Variants in ZNF536 observed in about 807,000 individuals in gnomAD.
ZNF536 encodes zinc finger protein 536.
A neutral mutation model predicts 84.5 loss-of-function variants in ZNF536; 13 were observed. The ratio of observed to expected loss-of-function variants is 0.15; its 90% CI spans 0.10 to 0.24. The LOEUF (loss-of-function observed/expected upper bound fraction) is 0.24, where lower values mean the gene tolerates loss of function less well. Ranked by LOEUF, ZNF536 falls within the 10% of genes least tolerant of loss-of-function variation. The pLI is 1.00. For missense variants in ZNF536, 1,536 were observed against 1,747.5 expected (o/e 0.88, Z 2.16); for synonymous variants, 811 against 742.5 (o/e 1.09, Z -1.50).
intron 2 of ZNF536, among the ~76,000 whole-genome samples, chr19:30,484,390 C>CTTTTTTTTTTTT (rs375461433): frequency 1.0e-3 from 118 of 117,434 alleles, no homozygotes; most frequent in African/African-American, 4.2e-3. Context: ...TCATGCCCAG[C>CTTTTTTTTTTTT]TTTTTTTTTT....
intron 1 of ZNF536, among the ~76,000 whole-genome samples, chr19:30,595,310 TAG>T (rs1042881779): frequency 6.6e-6 from 1 of 152,088 alleles, no homozygotes; most frequent in African/African-American, 2.4e-5. Flanking sequence ...TTTTAAGAGA[TAG>T]AGTCTCTCTC....
intron 1 of ZNF536, among the ~76,000 whole-genome samples, chr19:30,573,624 G>A (rs1001270477): frequency 1.3e-5 from 2 of 152,212 alleles, no homozygotes; most frequent in Non-Finnish European, 2.9e-5. Context: ...CACGGACCAA[G>A]ACTGTCCATG....
chr19:30,594,524 T>C (rs1189089260), intron 1 of ZNF536, among the ~76,000 whole-genome samples: 2 of 152,198 alleles, frequency 1.3e-5, no homozygotes, highest in East Asian at 3.9e-4. Context: ...TTTGCATAAC[T>C]GGTAACAAAT....
At chr19:30,435,182 CTGCTGATGATGA>C (rs980081705) in intron 1 of ZNF536, among the ~76,000 whole-genome samples, 3 of 139,692 alleles carry the variant, frequency 2.1e-5, no homozygotes, top group Non-Finnish European at 4.7e-5. Flanking sequence ...GATGATGCTG[CTGCTGATGATGA>C]TGCTGATGAT....
chr19:30,465,574 A>G (rs1280004404), intron 2 of ZNF536, among the ~76,000 whole-genome samples: 1 of 151,966 alleles, frequency 6.6e-6, no homozygotes, highest in Non-Finnish European at 1.5e-5. Flanking sequence ...CTCAGTAAAC[A>G]CTTTTTTAAA....
intron 2 of ZNF536, among the ~76,000 whole-genome samples, chr19:30,470,372 T>G (rs2148511660): frequency 6.6e-6 from 1 of 152,324 alleles, no homozygotes; most frequent in South Asian, 2.1e-4. Context: ...AATGTTGATG[T>G]TATCATTAAC....
intron 2 of ZNF536, among the ~76,000 whole-genome samples, chr19:30,319,269 G>C (rs1322785818): frequency 1.3e-5 from 2 of 152,182 alleles, no homozygotes; most frequent in East Asian, 1.9e-4. Context: ...GAACATGCTG[G>C]AATGATATTC....
At chr19:30,327,923 A>G (rs2047091049) in intron 2 of ZNF536, among the ~76,000 whole-genome samples, 1 of 152,212 alleles carries the variant, frequency 6.6e-6, no homozygotes, top group Non-Finnish European at 1.5e-5. Flanking sequence ...TAGAATGAGC[A>G]GGCGGGATCA....
At chr19:30,510,331 A>G (rs1481178979) in intron 2 of ZNF536, among the ~76,000 whole-genome samples, 2 of 152,312 alleles carry the variant, frequency 1.3e-5, no homozygotes, top group African/African-American at 4.8e-5. Flanking sequence ...AGAGAGGGGT[A>G]TTAGGCATCC....
At chr19:30,569,051 G>C (rs1390744413) in intron 1 of ZNF536, among the ~76,000 whole-genome samples, 1 of 152,178 alleles carries the variant, frequency 6.6e-6, no homozygotes, top group Non-Finnish European at 1.5e-5. Flanking sequence ...AGAACTAAAT[G>C]ATGAATCCAT....
rs915437667 is a variant in ZNF536, at chr19:30,538,321, C to T, written c.2323+3322C>T. ...CATATGAGCACATTTAAAAACCCAA[C>T]GTGTAATATAAATATATTTTTAATT... On this transcript the variant is annotated intron_variant, in intron 3 of 4. Transcript: ENST00000355537. 5.9e-5 allele frequency among the ~76,000 whole-genome samples: 9 copies of T among 152,268 alleles called. No homozygotes were observed. The South Asian group carries it at 6.2e-4, about 11-fold the overall frequency.
chr19:30,238,729 A>G (rs2023726186), intron 1 of ZNF536, among the ~76,000 whole-genome samples: 1 of 152,052 alleles, frequency 6.6e-6, no homozygotes, highest in Non-Finnish European at 1.5e-5. Flanking sequence ...TAGGATCGGC[A>G]CTGTGAATGA....
At chr19:30,683,046 G>A (rs1289932928) in intron 1 of ZNF536, among the ~76,000 whole-genome samples, 2 of 152,194 alleles carry the variant, frequency 1.3e-5, no homozygotes, top group African/African-American at 4.8e-5. Flanking sequence ...CAAACAGATG[G>A]TGACCCCTGA....
At chr19:30,674,928 G>A (rs1363904731) in intron 1 of ZNF536, among the ~76,000 whole-genome samples, 5 of 152,098 alleles carry the variant, frequency 3.3e-5, no homozygotes, top group African/African-American at 1.2e-4. Context: ...TGGGCATCGG[G>A]CTGGGCTCCA....
intron 1 of ZNF536, among the ~76,000 whole-genome samples, chr19:30,253,115 C>A (rs2024708517): frequency 6.6e-6 from 1 of 152,176 alleles, no homozygotes; most frequent in East Asian, 1.9e-4. Context: ...CCCTTGGAAG[C>A]TCTCAGATTA....
chr19:30,348,490 A>T (rs965515807), intron 2 of ZNF536, among the ~76,000 whole-genome samples: 1 of 152,058 alleles, frequency 6.6e-6, no homozygotes, highest in African/African-American at 2.4e-5. Context: ...CCATGGACTG[A>T]TAATTTGTGG....
At chr19:30,387,645 C>A (rs1292331980) in intron 1 of ZNF536, among the ~76,000 whole-genome samples, 1 of 152,216 alleles carries the variant, frequency 6.6e-6, no homozygotes, top group African/African-American at 2.4e-5. Context: ...AAATGCTCAA[C>A]AGAAAGGGAC....
At chr19:30,500,914 G>A (rs2054924251) in intron 2 of ZNF536, among the ~76,000 whole-genome samples, 1 of 152,216 alleles carries the variant, frequency 6.6e-6, no homozygotes, top group African/African-American at 2.4e-5. Context: ...CAATAGGAGT[G>A]TACCAAGCTC....
In ZNF536 at chr19:30,475,309, C is replaced by T. The variant is rs184001238; in HGVS notation, c.2170+29577C>T. On this transcript the variant is annotated intron_variant, in intron 2 of 4. Coordinates refer to ENST00000355537, the MANE Select transcript of ZNF536 (RefSeq NM_014717.3). ...GATTTCTCTTAGCCCTGTTCCTGTCCGTGTAACATAGCCACTGGTCATGGT... is the reference window on the plus strand; with the variant it reads ...GATTTCTCTTAGCCCTGTTCCTGTCTGTGTAACATAGCCACTGGTCATGGT... Among the ~76,000 whole-genome samples, 18 of 152,156 alleles carry T rather than the reference C, an allele frequency of 1.2e-4. 1 individual carries two copies. The South Asian group carries it at 2.3e-3, about 19-fold the overall frequency.
Sources: gnomAD v4.1 joint callset for allele counts (sites outside exome capture counted in the v4.1 genomes callset) on GRCh38, gnomAD v4.1.1 for gene constraint, MANE v1.5 for transcripts, NCBI Gene and HGNC (gene_info 2026-07-23, HGNC 2026-07-21) for gene names.